TENM4: variants seen among roughly 807,000 people sequenced by gnomAD.
The protein encoded by TENM4 is teneurin-4.
A neutral mutation model predicts 243.3 loss-of-function variants in TENM4; 82 were observed. The ratio of observed to expected loss-of-function variants is 0.34; its 90% CI spans 0.28 to 0.40. The LOEUF (loss-of-function observed/expected upper bound fraction) is 0.40, where lower values mean the gene tolerates loss of function less well. TENM4 is among the 10% of genes least tolerant of loss of function. The probability of loss-of-function intolerance (pLI) is 1.00; values close to 1 mark genes in which losing one functional copy is unlikely to be tolerated. For missense variants in TENM4, 3,138 were observed against 3,673.3 expected (o/e 0.85, Z 3.77); for synonymous variants, 1,412 against 1,456.3 (o/e 0.97, Z 0.69).
At chr11:79,388,432 T>C (rs1192179466) in intron 1 of TENM4, among the ~76,000 whole-genome samples, 1 of 152,170 alleles carries the variant, frequency 6.6e-6, no homozygotes, top group Non-Finnish European at 1.5e-5. Flanking sequence ...AGTCACAATG[T>C]GAGAAAATGC....
At chr11:78,736,394 T>C (rs542622914) in intron 20 of TENM4, among the ~76,000 whole-genome samples, 27 of 152,258 alleles carry the variant, frequency 1.8e-4, no homozygotes, top group Non-Finnish European at 3.5e-4. Flanking sequence ...TCTCTGCTAC[T>C]GTTTTCTGTT....
At chr11:79,008,238 A>T (rs1858542488) in intron 6 of TENM4, among the ~76,000 whole-genome samples, 1 of 152,240 alleles carries the variant, frequency 6.6e-6, no homozygotes, top group Admixed American at 6.5e-5. Flanking sequence ...AATATGCTCC[A>T]GAGACAGAGC....
intron 15 of TENM4, among the ~76,000 whole-genome samples, chr11:78,787,810 G>A (rs1226853207): frequency 6.6e-6 from 1 of 152,206 alleles, no homozygotes; most frequent in Non-Finnish European, 1.5e-5. Flanking sequence ...CCAGAGTGGA[G>A]CTGCCCACCC....
chr11:79,123,868 C>A (rs1288150972), intron 4 of TENM4, among the ~76,000 whole-genome samples: 3 of 152,210 alleles, frequency 2.0e-5, no homozygotes, highest in Non-Finnish European at 4.4e-5. Flanking sequence ...TGCAGGCCTT[C>A]TCAGAGCCTT....
chr11:79,075,069 G>A (rs1271858033), intron 4 of TENM4, among the ~76,000 whole-genome samples: 2 of 152,210 alleles, frequency 1.3e-5, no homozygotes, highest in African/African-American at 4.8e-5. Flanking sequence ...CTTTCTGTTG[G>A]CTTTCAGCAA....
chr11:79,243,023 C>A (rs1261844277), intron 2 of TENM4, among the ~76,000 whole-genome samples: 1 of 152,126 alleles, frequency 6.6e-6, no homozygotes, highest in African/African-American at 2.4e-5. Context: ...TCCTCTAGTG[C>A]CCCTTGGGAG....
At chr11:78,844,918 T>G (rs1222493214) in intron 12 of TENM4, among the ~76,000 whole-genome samples, 1 of 152,188 alleles carries the variant, frequency 6.6e-6, no homozygotes, top group Non-Finnish European at 1.5e-5. Flanking sequence ...CTTTTTAGGG[T>G]GACTCTTTTC....
intron 1 of TENM4, among the ~76,000 whole-genome samples, chr11:79,321,528 ATTCT>A (rs1307990714): frequency 6.6e-6 from 1 of 151,716 alleles, no homozygotes; most frequent in Non-Finnish European, 1.5e-5. Flanking sequence ...TAACTACCCA[ATTCT>A]TTCTGGGAAG....
At chr11:78,835,173 T>C (rs1280325912) in intron 12 of TENM4, among the ~76,000 whole-genome samples, 3 of 152,316 alleles carry the variant, frequency 2.0e-5, no homozygotes, top group African/African-American at 4.8e-5. Flanking sequence ...CATGATTCTC[T>C]AGCTCCTCTT....
chr11:78,806,612 C>G (rs530331153), intron 14 of TENM4, among the ~76,000 whole-genome samples: 3 of 152,332 alleles, frequency 2.0e-5, no homozygotes, highest in Non-Finnish European at 4.4e-5. Context: ...AACCGAGGCT[C>G]TGAGAGGTAA....
At chr11:78,924,044 G>A (rs1057314788) in intron 6 of TENM4, among the ~76,000 whole-genome samples, 5 of 151,846 alleles carry the variant, frequency 3.3e-5, no homozygotes, top group Admixed American at 1.3e-4. Flanking sequence ...TAGTAGAGAT[G>A]GGGTTTAACC....
At chr11:78,776,883 G>A (rs1001052177) in intron 17 of TENM4, among the ~76,000 whole-genome samples, 7 of 151,904 alleles carry the variant, frequency 4.6e-5, no homozygotes, top group African/African-American at 1.5e-4. Context: ...GGACATTCTC[G>A]GTGACTTATG....
chr11:78,900,950 C>T (rs1388228784), intron 7 of TENM4, among the ~76,000 whole-genome samples: 1 of 152,148 alleles, frequency 6.6e-6, no homozygotes, highest in Non-Finnish European at 1.5e-5. Context: ...GGCTTTAGGT[C>T]ATCCTTGGAG....
chr11:78,716,374 T>G lies in TENM4; in HGVS notation c.3822-3660A>C, dbSNP rs541113492. 5.3e-5 allele frequency among the ~76,000 whole-genome samples: 8 copies of G among 152,346 alleles called. No individual in the cohort carries two copies. In the South Asian group the frequency reaches 1.0e-3, roughly 20 times the overall value. Reference sequence around the variant, plus strand: ...CCACTAGAGCTTACAAAGTTTATACTTTTAGTATCTGTAGCACCAATTAAA... The same window carrying G: ...CCACTAGAGCTTACAAAGTTTATACGTTTAGTATCTGTAGCACCAATTAAA... On this transcript the variant is annotated intron_variant, in intron 25 of 33. Coordinates refer to ENST00000278550, the MANE Select transcript of TENM4 (RefSeq NM_001098816.3).
intron 29 of TENM4, among the ~76,000 whole-genome samples, chr11:78,687,539 T>C (rs1027859832): frequency 1.3e-5 from 2 of 152,154 alleles, no homozygotes; most frequent in African/African-American, 2.4e-5. Context: ...GATTTCATCA[T>C]TGTGAAATCT....
chr11:79,335,372 G>A (rs516718), intron 1 of TENM4, among the ~76,000 whole-genome samples: 125,992 of 152,292 alleles, frequency 0.83, 52,821 homozygotes, highest in African/African-American at 0.94. Flanking sequence ...ATCCTGCTAC[G>A]TCACTTGGCA....
chr11:78,690,075 T>C (rs1858781772), intron 28 of TENM4, among the ~76,000 whole-genome samples: 1 of 151,282 alleles, frequency 6.6e-6, no homozygotes, highest in South Asian at 2.1e-4. Flanking sequence ...CCTGCCATGA[T>C]TTCTCCTTTC....
chr11:79,209,321 T>C (rs1360813226), intron 3 of TENM4, among the ~76,000 whole-genome samples: 1 of 152,180 alleles, frequency 6.6e-6, no homozygotes, highest in African/African-American at 2.4e-5. Context: ...AAGGGCAGAA[T>C]TCCACACTTA....
intron 2 of TENM4, among the ~76,000 whole-genome samples, chr11:79,227,624 G>A (rs1356479415): frequency 6.6e-6 from 1 of 152,200 alleles, no homozygotes; most frequent in Non-Finnish European, 1.5e-5. Flanking sequence ...CCTAGAAGGA[G>A]AAATGGGGGA....
Sources: allele counts gnomAD v4.1 joint callset (sites outside exome capture counted in the v4.1 genomes callset), GRCh38; gene constraint gnomAD v4.1.1; transcripts MANE v1.5; gene names NCBI Gene and HGNC (gene_info 2026-07-23, HGNC 2026-07-21).